The following TNFRSF8 variants were observed in gnomAD, a reference collection of about 807,000 sequenced individuals.
TNFRSF8 encodes the protein tumor necrosis factor receptor superfamily member 8.
A neutral mutation model predicts 70.8 loss-of-function variants in TNFRSF8; 26 were observed. The observed-to-expected ratio is 0.37, with a 90% confidence interval of 0.27 to 0.51. TNFRSF8 has a LOEUF of 0.51. Ranked by LOEUF, TNFRSF8 falls within the 20% of genes least tolerant of loss-of-function variation. The pLI is 0.94. For synonymous variants in TNFRSF8, 356 were observed against 339.2 expected, an observed-to-expected ratio of 1.05 and a Z score of -0.54; for missense variants, 720 against 807.9, an observed-to-expected ratio of 0.89 and a Z score of 1.32.
intron 3 of TNFRSF8, among the ~76,000 whole-genome samples, chr1:12,100,813 C>T (rs1035339874): frequency 5.3e-5 from 8 of 152,100 alleles, no homozygotes; most frequent in East Asian, 1.9e-4. Flanking sequence ...AAAAATTAGC[C>T]GGGCACGTTG....
Position 12,110,513 on chromosome 1 carries a change from A to G in TNFRSF8, c.676+309A>G, listed in dbSNP as rs1023202614. On this transcript the variant is annotated intron_variant, in intron 6 of 14. Transcript: ENST00000263932. The surrounding 1 kb of genome is among the most constrained non-coding windows in gnomAD (Gnocchi z 4.0). ...ATGGGTCCCACTCTGCTGTTGTGAC[A>G]CTTGCGACTCAGCTGGCCAGCCTCT... is the stretch of plus-strand genomic sequence containing the variant. Among the ~76,000 whole-genome samples the G allele has an allele frequency of 2.0e-5, 3 of 152,128 alleles. No homozygotes were observed. The highest frequency in any genetic ancestry group is 4.4e-5 in the Non-Finnish European group (3 of 68,016).
intron 3 of TNFRSF8, among the ~76,000 whole-genome samples, chr1:12,103,875 T>G (rs1167743130): frequency 6.6e-6 from 1 of 152,216 alleles, no homozygotes; most frequent in Non-Finnish European, 1.5e-5. Context: ...TATTACTAAC[T>G]GAAGTCCATA....
Position 12,119,555 on chromosome 1 carries a change from C to T in TNFRSF8, c.947-3729C>T, listed in dbSNP as rs865813538. ...ATGAATGAAAACAGCTGTGAATATT[C>T]TTTTTTTTTTTTTAACATGTATGAA... On this transcript the variant is annotated intron_variant, in intron 8 of 14. Transcript: ENST00000263932. The surrounding 1 kb of genome is among the most constrained non-coding windows in gnomAD (Gnocchi z 4.4). Among the ~76,000 whole-genome samples the T allele has an allele frequency of 6.9e-6, 1 of 145,846 alleles. No homozygotes were observed. The highest frequency in any genetic ancestry group is 1.5e-5 in the Non-Finnish European group (1 of 66,136).
intron 7 of TNFRSF8, among the ~76,000 whole-genome samples, chr1:12,115,139 C>T (rs542762799): frequency 4.8e-4 from 73 of 152,276 alleles, no homozygotes; most frequent in Admixed American, 3.2e-3. Context: ...CACCCATGCC[C>T]GCTCACCCCG....
intron 2 of TNFRSF8, 29 bp downstream of exon 2, chr1:12,084,580 AGGG>A: frequency 6.7e-7 from 1 of 1,500,004 alleles, no homozygotes; most frequent in Non-Finnish European, 9.2e-7. Context: ...GGTGGGGAGA[AGGG>A]GGGAAATTTG....
At chr1:12,070,273 C>T (rs766660298) in intron 1 of TNFRSF8, among the ~76,000 whole-genome samples, 4 of 151,902 alleles carry the variant, frequency 2.6e-5, no homozygotes, top group African/African-American at 4.8e-5. Flanking sequence ...TTTTTTGAGA[C>T]GGAGTCTTGC....
At chr1:12,092,995 G>A (rs915215112) in intron 2 of TNFRSF8, among the ~76,000 whole-genome samples, 8 of 151,692 alleles carry the variant, frequency 5.3e-5, no homozygotes, top group East Asian at 3.9e-4. Context: ...TAGTAGAGAC[G>A]GGGTTTCGCT....
At chr1:12,084,655 G>C in intron 2 of TNFRSF8, 104 bp downstream of exon 2, 1 of 1,076,662 alleles carries the variant, frequency 9.3e-7, no homozygotes, top group South Asian at 1.4e-5. Context: ...AACCGTCATC[G>C]TCATAATTGG....
In TNFRSF8 at chr1:12,142,340, G is replaced by A. The variant is rs1426401839; in HGVS notation, c.1597G>A (p.Glu533Lys). The change falls in exon 15 of 15, where the codon GAG (glutamate) becomes AAG (lysine). Residue 533 changes from glutamate to lysine, a missense_variant. Glu to Lys is a moderately conservative substitution (Grantham distance 56). Coordinates refer to ENST00000263932, the MANE Select transcript of TNFRSF8 (RefSeq NM_001243.5). This position sits in a 1 kb window ranked among gnomAD's most constrained non-coding sequence, Gnocchi z 5.0. ...CGTGATCGTGGGGACCGTGAAGGCT[G>A]AGCTGCCGGAGGGCCGGGGCCTGGC... ...DTVIVGTVKA[E>K]LPEGRGLAGP... The A allele has an allele frequency of 6.2e-6, 10 of 1,606,802 alleles. No homozygotes were observed. Among genetic ancestry groups the A allele is most frequent in the African/African-American group, 1.3e-5 (1 of 74,874 alleles).
intron 8 of TNFRSF8, among the ~76,000 whole-genome samples, chr1:12,118,111 C>CA (rs1425420224): frequency 6.6e-6 from 1 of 151,960 alleles, no homozygotes; most frequent in African/African-American, 2.4e-5. Flanking sequence ...AACCCTCCCC[C>CA]CCCACCCTTT....
chr1:12,127,179 G>C (rs1251927550), intron 12 of TNFRSF8, among the ~76,000 whole-genome samples: 2 of 152,258 alleles, frequency 1.3e-5, no homozygotes, highest in Non-Finnish European at 1.5e-5. Flanking sequence ...AGGCAGGCCA[G>C]GGTCTTCCTC....
chr1:12,140,761 G>T (rs1642237202), intron 14 of TNFRSF8, among the ~76,000 whole-genome samples: 1 of 152,176 alleles, frequency 6.6e-6, no homozygotes, highest in Non-Finnish European at 1.5e-5. Flanking sequence ...CCTGTCCCCA[G>T]CTGTGGCTCC....
intron 8 of TNFRSF8, among the ~76,000 whole-genome samples, chr1:12,117,407 C>T (rs753616557): frequency 2.0e-5 from 3 of 152,118 alleles, no homozygotes; most frequent in African/African-American, 7.2e-5. Flanking sequence ...TGAGTCAGAA[C>T]ATTGAAGGAA....
At chr1:12,136,295 A>C (rs1642143995) in intron 13 of TNFRSF8, among the ~76,000 whole-genome samples, 1 of 152,204 alleles carries the variant, frequency 6.6e-6, no homozygotes, top group Non-Finnish European at 1.5e-5. Flanking sequence ...AACAATTTGT[A>C]AGGTAATCAA....
Position 12,112,804 on chromosome 1 carries a change from C to T in TNFRSF8, c.793+790C>T, listed in dbSNP as rs1385223231. On this transcript the variant is annotated intron_variant, in intron 7 of 14. Transcript: ENST00000263932. The surrounding 1 kb of genome is among the most constrained non-coding windows in gnomAD (Gnocchi z 5.3). ...CAACCTCCCAGCGCCAGCAGCACCC[C>T]GAGGGGCATGTGGGCAGGGGGTGTT... 2.6e-5 allele frequency among the ~76,000 whole-genome samples: 4 copies of T among 152,268 alleles called. No individual in the cohort carries two copies. The highest frequency in any genetic ancestry group is 7.2e-5 in the African/African-American group (3 of 41,566).
chr1:12,108,767 T>G lies in TNFRSF8; in HGVS notation c.422-799T>G, dbSNP rs1641573768. Among the ~76,000 whole-genome samples the G allele has an allele frequency of 6.6e-6, 1 of 152,112 alleles. No homozygotes were observed. Among genetic ancestry groups the G allele is most frequent in the Non-Finnish European group, 1.5e-5 (1 of 68,004 alleles). ...GGCAGAGGTTGCAGTGAGCTGAGAT[T>G]GCATCACTGCACTCCAGCCTGGGCG... On this transcript the variant is annotated intron_variant, in intron 4 of 14. Transcript: ENST00000263932. This position sits in a 1 kb window ranked among gnomAD's most constrained non-coding sequence, Gnocchi z 4.0.
chr1:12,078,646 C>T (rs115306316), intron 1 of TNFRSF8, among the ~76,000 whole-genome samples: 10 of 152,242 alleles, frequency 6.6e-5, no homozygotes, highest in African/African-American at 1.9e-4. Context: ...AGCACCCCCC[C>T]ACCCCAGGCA....
rs374404049 is a variant in TNFRSF8, at chr1:12,123,369, G to A, written c.1032G>A (p.Ala344=). The part of the protein sequence containing the change: ...DCNPTPENGE[A]PASTSPTQSL... ...ACCCCACCCCAGAGAATGGCGAGGC[G>A]CCTGCCAGGTGACTCCCCCACCCCT... The change falls in exon 9 of 15, where the codon GCG becomes GCA. Residue 344 remains alanine, a synonymous_variant. Transcript: ENST00000263932. The A allele has an allele frequency of 1.4e-5, 23 of 1,608,140 alleles. No homozygotes were observed. Among genetic ancestry groups the A allele is most frequent in the Admixed American group, 1.0e-4 (6 of 59,466 alleles).
At chr1:12,094,972 A>C (rs1331911917) in intron 2 of TNFRSF8, among the ~76,000 whole-genome samples, 1 of 152,036 alleles carries the variant, frequency 6.6e-6, no homozygotes, top group African/African-American at 2.4e-5. Flanking sequence ...TCTAGGGCAG[A>C]GGTGCTTACC....
Sources: gnomAD v4.1 joint callset for allele counts (sites outside exome capture counted in the v4.1 genomes callset) on GRCh38, gnomAD v4.1.1 for gene constraint, Gnocchi (gnomAD v3.1) non-coding constraint, MANE v1.5 for transcripts, NCBI Gene and HGNC (gene_info 2026-07-23, HGNC 2026-07-21) for gene names.